ZNF589: variants seen among roughly 807,000 people sequenced by gnomAD.
ZNF589 encodes zinc finger protein 589.
A neutral mutation model predicts 13.6 loss-of-function variants in ZNF589; 17 were observed. That is an observed-to-expected ratio of 1.25 (90% CI 0.86 to 1.88). The LOEUF is 1.88. Among genes scored for constraint, ZNF589 ranks in the 40% most tolerant of loss-of-function variants. The pLI, the probability that ZNF589 is intolerant of heterozygous loss-of-function variation, is 0.00. For missense variants in ZNF589, 407 were observed against 434.0 expected, an observed-to-expected ratio of 0.94 and a Z score of 0.55; for synonymous variants, 148 against 161.6, an observed-to-expected ratio of 0.92 and a Z score of 0.64.
intron 2 of ZNF589, among the ~76,000 whole-genome samples, chr3:48,254,800 G>A (rs543878004): frequency 1.3e-5 from 2 of 152,040 alleles, no homozygotes; most frequent in South Asian, 4.2e-4. Context: ...TTGACATATA[G>A]GAAAGCAGAT....
At chr3:48,250,026 G>C (rs1038357782) in intron 2 of ZNF589, among the ~76,000 whole-genome samples, 5 of 151,944 alleles carry the variant, frequency 3.3e-5, no homozygotes, top group Admixed American at 1.3e-4. Flanking sequence ...TACTCAGGAG[G>C]CTGAGGCAGG....
chr3:48,267,959 G>A lies in ZNF589; in HGVS notation c.268G>A (p.Ala90Thr). The A allele has an allele frequency of 1.9e-6, 3 of 1,613,242 alleles. No individual in the cohort carries two copies. The highest frequency in any genetic ancestry group is 2.5e-6 in the Non-Finnish European group (3 of 1,180,028). ...EVHTCPSCPL[A>T]FGSQQFLSQD... ...CCATACCTGCCCTTCTTGCCCTCTG[G>A]CCTTTGGCAGTCAGCAGTTCCTCAG... is the stretch of plus-strand genomic sequence containing the variant. Residue 90 changes from alanine (A) to threonine (T), a missense_variant, in exon 4 of 4, where the codon GCC becomes ACC. Coordinates refer to ENST00000354698, the MANE Select transcript of ZNF589 (RefSeq NM_016089.3).
In ZNF589 at chr3:48,269,537, G is replaced by T; in HGVS notation, c.*751G>T. The T allele has an allele frequency of 2.8e-6, 1 of 353,170 alleles. No homozygotes were observed. Among genetic ancestry groups the T allele is most frequent in the East Asian group, 6.6e-5 (1 of 15,222 alleles). The allele number at this position is 353,170 out of a possible 1,614,324, so 21.9% of individuals were successfully genotyped here. ...AGGAGAGAAACCTTACGCATGCATC[G>T]AGTGTGGGCGAAACTTTAGCCACAA... is the stretch of plus-strand genomic sequence containing the variant. On this transcript the variant is annotated 3_prime_UTR_variant, in exon 4 of 4. Transcript: ENST00000354698.
At chr3:48,252,943 GT>G (rs549364246) in intron 2 of ZNF589, among the ~76,000 whole-genome samples, 142 of 152,228 alleles carry the variant, frequency 9.3e-4, no homozygotes, top group African/African-American at 3.2e-3. Flanking sequence ...ACATTATTGA[GT>G]TTTCTGGTCC....
chr3:48,265,720 T>G (rs538709309), intron 3 of ZNF589, among the ~76,000 whole-genome samples: 14 of 152,310 alleles, frequency 9.2e-5, no homozygotes, highest in African/African-American at 3.4e-4. Context: ...CTGTGAACTA[T>G]TCACTAAAGT....
chr3:48,256,039 C>G (rs1282410034), intron 2 of ZNF589, among the ~76,000 whole-genome samples: 1 of 149,856 alleles, frequency 6.7e-6, no homozygotes, highest in Non-Finnish European at 1.5e-5. Context: ...TTTTTTTTTT[C>G]AAGCCCATGA....
At chr3:48,247,998 A>G (rs1015203956) in intron 2 of ZNF589, among the ~76,000 whole-genome samples, 3 of 152,256 alleles carry the variant, frequency 2.0e-5, no homozygotes, top group Admixed American at 6.5e-5. Flanking sequence ...ACAAATAGTT[A>G]TAACACTTTA....
Position 48,269,086 on chromosome 3 carries a change from A to T in ZNF589, c.*300A>T, listed in dbSNP as rs919491023. 5 of 649,882 alleles carry T rather than the reference A, an allele frequency of 7.7e-6. No homozygotes were observed. The highest frequency in any genetic ancestry group is 2.7e-5 in the Admixed American group (1 of 36,992). The allele number at this position is 649,882 out of a possible 1,614,324, so 40.3% of individuals were successfully genotyped here. On this transcript the variant is annotated 3_prime_UTR_variant, in exon 4 of 4. Transcript: ENST00000354698. Reference sequence around the variant, plus strand: ...TAGTCCTCAATGGACACTGGAGGACACACACGGGAGAGAAGCCTTACACGT... The same window carrying T: ...TAGTCCTCAATGGACACTGGAGGACTCACACGGGAGAGAAGCCTTACACGT...
Position 48,267,985 on chromosome 3 carries a change from C to A in ZNF589, c.294C>A (p.Ser98Arg), listed in dbSNP as rs1219637633. The A allele has an allele frequency of 6.2e-7, 1 of 1,613,978 alleles. No homozygotes were observed. The highest frequency in any genetic ancestry group is 1.1e-5 in the South Asian group (1 of 91,088). Residue 98 changes from serine to arginine, a missense_variant, in exon 4 of 4, where the codon AGC becomes AGA. Physicochemically the swap from Ser to Arg is moderately radical, Grantham distance 110. Transcript: ENST00000354698. Reference sequence around the variant, plus strand: ...CCTTTGGCAGTCAGCAGTTCCTCAGCCAAGATGAGCTACACAATCATCCTA... The same window carrying A: ...CCTTTGGCAGTCAGCAGTTCCTCAGACAAGATGAGCTACACAATCATCCTA... ...PLAFGSQQFL[S>R]QDELHNHPIP... is the part of the protein sequence containing the mutation.
intron 2 of ZNF589, among the ~76,000 whole-genome samples, chr3:48,253,457 C>G (rs1359786231): frequency 6.6e-6 from 1 of 151,114 alleles, no homozygotes; most frequent in Non-Finnish European, 1.5e-5. Context: ...TCATGTTACA[C>G]TTAGTTGTCA....
intron 2 of ZNF589, among the ~76,000 whole-genome samples, chr3:48,251,997 CCA>C (rs978851885): frequency 6.6e-6 from 1 of 151,502 alleles, no homozygotes; most frequent in Admixed American, 6.6e-5. Context: ...CATGTTCACA[CCA>C]CTGCACTCCA....
rs1221847998 is a variant in ZNF589 at position 48,241,115 on chromosome 3, T to C, written c.-57T>C. ...CAGTGGCCCGCGGTGCGCATTCTAA[T>C]CCGTTTCACACACGGTGCTGCTACC... On this transcript the variant is annotated 5_prime_UTR_variant, in exon 1 of 4. Transcript: ENST00000354698. 1.9e-6 allele frequency: 3 copies of C among 1,610,154 alleles called. No homozygotes were observed. Among genetic ancestry groups the C allele is most frequent in the Non-Finnish European group, 2.5e-6 (3 of 1,177,196 alleles).
At position 48,262,529 on chromosome 3, in the gene ZNF589, C is replaced by G. The variant is rs556972127; in HGVS notation, c.223+1590C>G. 2.0e-5 allele frequency among the ~76,000 whole-genome samples: 3 copies of G among 152,258 alleles called. No individual in the cohort carries two copies. The South Asian group carries it at 6.2e-4, about 32-fold the overall frequency. On this transcript the variant is annotated intron_variant, in intron 3 of 3. Transcript: ENST00000354698. The stretch of plus-strand genomic sequence containing the variant: ...TATAACCACAGTATCATGATCAGAA[C>G]TCACAAAGTTATCAGTAGTGCTTCA...
At chr3:48,247,286 T>G (rs1389014937) in intron 1 of ZNF589, among the ~76,000 whole-genome samples, 1 of 151,598 alleles carries the variant, frequency 6.6e-6, no homozygotes, top group African/African-American at 2.4e-5. Context: ...TTTTCATAAA[T>G]TAAAAAAAAA....
chr3:48,241,150 T>TCGTG lies in ZNF589; in HGVS notation c.-11_-8dup, dbSNP rs757033300. On this transcript the variant is annotated 5_prime_UTR_variant, in exon 1 of 4. Coordinates refer to ENST00000354698, the MANE Select transcript of ZNF589 (RefSeq NM_016089.3). ...ACACGGTGCTGCTACCTCGTTTGCTTCGTGCGTGCGTGCGCGCGCAGATGT... is the reference window on the plus strand; with the variant it reads ...ACACGGTGCTGCTACCTCGTTTGCTTCGTGCGTGCGTGCGTGCGCGCGCAGATGT... 13 of 1,601,080 alleles carry TCGTG rather than the reference T, an allele frequency of 8.1e-6. No homozygotes were observed. Among genetic ancestry groups the TCGTG allele is most frequent in the Middle Eastern group, 1.7e-4 (1 of 6,002 alleles).
In ZNF589 at chr3:48,260,830, G is replaced by A. The variant is rs2033963233; in HGVS notation, c.114G>A (p.Glu38=). ...TGATTTAGGGACCAGTGACTTTCGA[G>A]GATGTGGCTGTGCTTTTCACTGAGG... ...KPRYLGPVTF[E]DVAVLFTEAE... is the part of the protein sequence containing the mutation. The change falls in exon 3 of 4, where the codon GAG becomes GAA. Residue 38 remains glutamate, a synonymous_variant. Transcript: ENST00000354698. 6.2e-7 allele frequency: 1 copy of A among 1,614,182 alleles called. No homozygotes were observed. The highest frequency in any genetic ancestry group is 8.5e-7 in the Non-Finnish European group (1 of 1,180,028).
At chr3:48,249,736 A>G (rs2033816841) in intron 2 of ZNF589, among the ~76,000 whole-genome samples, 1 of 152,206 alleles carries the variant, frequency 6.6e-6, no homozygotes, top group Non-Finnish European at 1.5e-5. Context: ...ACCTTGCGTA[A>G]TGATCAAATC....
chr3:48,261,879 G>C lies in ZNF589; in HGVS notation c.223+940G>C, dbSNP rs1327205700. ...ATCCATTTAAGTTAGCTTTCAATTGGCCAATCTGATTTGGTCTTGTTTCAT... is the reference window on the plus strand; with the variant it reads ...ATCCATTTAAGTTAGCTTTCAATTGCCCAATCTGATTTGGTCTTGTTTCAT... On this transcript the variant is annotated intron_variant, in intron 3 of 3. Coordinates refer to ENST00000354698, the MANE Select transcript of ZNF589 (RefSeq NM_016089.3). Among the ~76,000 whole-genome samples the C allele has an allele frequency of 2.0e-5, 3 of 152,090 alleles. No homozygotes were observed. The South Asian group carries it at 6.2e-4, about 32-fold the overall frequency.
chr3:48,257,919 TC>T, intron 2 of ZNF589: 1 of 448,100 alleles, frequency 2.2e-6, no homozygotes, highest in Non-Finnish European at 4.4e-6. Flanking sequence ...GTGTGTCTAT[TC>T]TTCCATAGAT....
Sources: allele counts gnomAD v4.1 joint callset (sites outside exome capture counted in the v4.1 genomes callset), GRCh38; gene constraint gnomAD v4.1.1; transcripts MANE v1.5; gene names NCBI Gene and HGNC (gene_info 2026-07-23, HGNC 2026-07-21).